Variants in AEN observed in about 807,000 individuals in gnomAD.
The protein encoded by AEN is apoptosis enhancing nuclease.
AEN carries 21 observed loss-of-function variants against 17.7 expected under a neutral mutation model. That is an observed-to-expected ratio of 1.19 (90% CI 0.84 to 1.71). AEN has a LOEUF of 1.71. Ranked by LOEUF, AEN falls within the 40% of genes most tolerant of loss-of-function variation. The pLI is 0.00. For synonymous variants in AEN, 190 were observed against 173.0 expected (o/e 1.10, Z -0.77); for missense variants, 462 against 435.9 (o/e 1.06, Z -0.53).
chr15:88,620,615 G>C (rs1371664178), upstream of AEN, among the ~76,000 whole-genome samples: 2 of 151,866 alleles, frequency 1.3e-5, no homozygotes, highest in East Asian at 3.9e-4. Flanking sequence ...TTTCATGTTG[G>C]TCAGGCTGGT....
At chr15:88,612,200 A>G in the AEN span, among the ~76,000 whole-genome samples, 1 of 152,080 alleles carries the variant, frequency 6.6e-6, no homozygotes, top group East Asian at 1.9e-4. Context: ...TCCCCCAACA[A>G]TCACTTTGGG....
chr15:88,607,734 T>C, the AEN span, among the ~76,000 whole-genome samples: 39,809 of 152,078 alleles, frequency 0.26, 5,984 homozygotes, highest in Non-Finnish European at 0.34. Context: ...CTCCATTTCC[T>C]TCATTTATTA....
chr15:88,611,257 C>A, the AEN span, among the ~76,000 whole-genome samples: 1 of 151,978 alleles, frequency 6.6e-6, no homozygotes, highest in Non-Finnish European at 1.5e-5. Flanking sequence ...GAGAAATGAG[C>A]CACTTGCCTG....
At chr15:88,619,864 T>C (rs1016425885), upstream of AEN, among the ~76,000 whole-genome samples, 4 of 152,140 alleles carry the variant, frequency 2.6e-5, no homozygotes, top group Admixed American at 2.6e-4. Flanking sequence ...GGGGAGCTCT[T>C]TATCCTCCAC....
chr15:88,630,435 C>G lies in AEN; in HGVS notation c.*141C>G. 2 of 709,684 alleles carry G rather than the reference C, an allele frequency of 2.8e-6. No individual in the cohort carries two copies. Among genetic ancestry groups the G allele is most frequent in the South Asian group, 3.6e-5 (2 of 54,856 alleles). 44.0% of individuals were successfully genotyped at this position (709,684 alleles called of 1,614,324 possible). The stretch of plus-strand genomic sequence containing the variant: ...CCAGGGCCAGAGGAGTAGGGGTCAT[C>G]TGTTACCTTGACACCCTCTGCACAC... On this transcript the variant is annotated 3_prime_UTR_variant, in exon 4 of 4. Transcript: ENST00000332810. This position sits in a 1 kb window ranked among gnomAD's most constrained non-coding sequence, Gnocchi z 5.1.
chr15:88,615,081 G>A, the AEN span, among the ~76,000 whole-genome samples: 455 of 152,102 alleles, frequency 3.0e-3, 3 homozygotes, highest in Admixed American at 4.1e-3. Context: ...TAGCCAGATG[G>A]TCTCGATCTG....
rs1206819215 is a variant in AEN, at chr15:88,630,631, C to G, written c.*337C>G. On this transcript the variant is annotated 3_prime_UTR_variant, in exon 4 of 4. Transcript: ENST00000332810. The surrounding 1 kb of genome is among the most constrained non-coding windows in gnomAD (Gnocchi z 5.1). The stretch of plus-strand genomic sequence containing the variant: ...CCCAGGTTGCCGTGGCCTTCCCCAC[C>G]CCCCAGATCTCCTGAGTCATCATGC... 9 of 323,092 alleles carry G rather than the reference C, an allele frequency of 2.8e-5. No homozygotes were observed. Among genetic ancestry groups the G allele is most frequent in the Admixed American group, 1.7e-4 (4 of 22,966 alleles). The allele number at this position is 323,092 out of a possible 1,614,324, so 20.0% of individuals were successfully genotyped here. A position where few individuals can be genotyped will look rare whatever the true frequency, so the allele number is the denominator to read the frequency against.
At chr15:88,605,916 A>G in the AEN span, among the ~76,000 whole-genome samples, 1 of 152,206 alleles carries the variant, frequency 6.6e-6, no homozygotes, top group Non-Finnish European at 1.5e-5. The surrounding 1 kb of genome is among the most constrained non-coding windows in gnomAD (Gnocchi z 7.6). Context: ...GCGGCCCCTC[A>G]GACCCCACGC....
At chr15:88,628,875 A>T (rs1403554372) in intron 2 of AEN, 1 of 226,656 alleles carries the variant, frequency 4.4e-6, no homozygotes, top group East Asian at 1.2e-4. Context: ...GACGTCTTCC[A>T]GGCTGAGAGG....
the AEN span, among the ~76,000 whole-genome samples, chr15:88,615,263 G>A: frequency 0.26 from 39,285 of 152,060 alleles, 5,379 homozygotes; most frequent in Non-Finnish European, 0.29. Flanking sequence ...CTAGAATGGA[G>A]CAAGGAACGG....
At chr15:88,618,578 A>G (rs1305557101), upstream of AEN, among the ~76,000 whole-genome samples, 5 of 152,234 alleles carry the variant, frequency 3.3e-5, no homozygotes, top group Non-Finnish European at 2.9e-5. Flanking sequence ...AAGGAGATGG[A>G]TTGAGCCAGT....
At chr15:88,610,641 G>A in the AEN span, among the ~76,000 whole-genome samples, 12 of 152,182 alleles carry the variant, frequency 7.9e-5, no homozygotes, top group Middle Eastern at 3.4e-3. Context: ...GCTCCTGAGC[G>A]TCTCCATCAC....
intron 1 of AEN, among the ~76,000 whole-genome samples, chr15:88,624,622 G>A (rs2057828211): frequency 6.6e-6 from 1 of 152,318 alleles, no homozygotes; most frequent in African/African-American, 2.4e-5. Flanking sequence ...GGTGGCCCAC[G>A]CCTGTAATCC....
At chr15:88,627,877 T>C (rs2057874677) in intron 2 of AEN, 1 of 152,246 alleles carries the variant, frequency 6.6e-6, no homozygotes, top group African/African-American at 2.4e-5. Flanking sequence ...CTGCATTTTC[T>C]AAACAAGCCT....
At chr15:88,617,961 A>G (rs1430566917), upstream of AEN, among the ~76,000 whole-genome samples, 2 of 152,204 alleles carry the variant, frequency 1.3e-5, no homozygotes, top group Non-Finnish European at 2.9e-5. Context: ...CCTTGAGAAC[A>G]GGCTGGCCTC....
chr15:88,620,352 G>A (rs1258312837), upstream of AEN, among the ~76,000 whole-genome samples: 3 of 152,038 alleles, frequency 2.0e-5, no homozygotes, highest in African/African-American at 7.2e-5. Context: ...CATAATACGT[G>A]TGAACTGTTT....
the AEN span, chr15:88,611,735 G>A: frequency 0.18 from 60,372 of 332,980 alleles, 14,161 homozygotes; most frequent in African/African-American, 0.7. Context: ...TAATAGGAGC[G>A]GAGACAACGC....
In AEN at chr15:88,630,133, T is replaced by C; in HGVS notation, c.817T>C (p.Trp273Arg). The C allele has an allele frequency of 6.2e-7, 1 of 1,613,510 alleles. No homozygotes were observed. Among genetic ancestry groups the C allele is most frequent in the Non-Finnish European group, 8.5e-7 (1 of 1,179,940 alleles). ...GCTCTACCGGCTGGTGGAGGTGCAGTGGGAACAGCAGGAGGCCCGCAGCCT... is the reference window on the plus strand; with the variant it reads ...GCTCTACCGGCTGGTGGAGGTGCAGCGGGAACAGCAGGAGGCCCGCAGCCT... Reference protein sequence around the residue: ...MELYRLVEVQWEQQEARSLWT... With the variant: ...MELYRLVEVQREQQEARSLWT... Residue 273 changes from tryptophan to arginine, a missense_variant, in exon 4 of 4, where the codon TGG (tryptophan) becomes CGG (arginine). Coordinates refer to ENST00000332810, the MANE Select transcript of AEN (RefSeq NM_022767.4). The surrounding 1 kb of genome is among the most constrained non-coding windows in gnomAD (Gnocchi z 5.1).
In AEN at chr15:88,631,308, C is replaced by T; in HGVS notation, c.*1014C>T. 1 of 362,246 alleles carries T rather than the reference C, an allele frequency of 2.8e-6. No individual in the cohort carries two copies. Among genetic ancestry groups the T allele is most frequent in the Admixed American group, 2.7e-5 (1 of 36,592 alleles). 22.4% of individuals were successfully genotyped at this position (362,246 alleles called of 1,614,324 possible). ...TGGCCCTGAACCTGGTCTGGTGCCCCCGAACCTGGTCTGATGCCCCCTCAG... is the reference window on the plus strand; with the variant it reads ...TGGCCCTGAACCTGGTCTGGTGCCCTCGAACCTGGTCTGATGCCCCCTCAG... On this transcript the variant is annotated 3_prime_UTR_variant, in exon 4 of 4. Transcript: ENST00000332810.
Sources: gnomAD v4.1 joint callset for allele counts (sites outside exome capture counted in the v4.1 genomes callset) on GRCh38, gnomAD v4.1.1 for gene constraint, Gnocchi (gnomAD v3.1) non-coding constraint, MANE v1.5 for transcripts, NCBI Gene and HGNC (gene_info 2026-07-23, HGNC 2026-07-21) for gene names.